Variants in OPCML observed in about 807,000 individuals in gnomAD.
OPCML encodes the protein opioid binding protein/cell adhesion molecule like.
In OPCML, 13 loss-of-function variants were observed where a neutral mutation model predicts 37.8. The ratio of observed to expected loss-of-function variants is 0.34; its 90% confidence interval spans 0.22 to 0.55. The LOEUF (loss-of-function observed/expected upper bound fraction) is 0.55, where lower values mean the gene tolerates loss of function less well. Ranked by LOEUF, OPCML falls within the 20% of genes least tolerant of loss-of-function variation. OPCML has a pLI of 0.91. For synonymous variants in OPCML, 176 were observed against 168.8 expected (o/e 1.04, Z -0.33); for missense variants, 341 against 435.6 (o/e 0.78, Z 1.93).
intron 4 of OPCML, among the ~76,000 whole-genome samples, chr11:132,495,302 C>T (rs1334602726): frequency 2.0e-5 from 3 of 152,142 alleles, no homozygotes; most frequent in African/African-American, 7.2e-5. Flanking sequence ...CAACTACAAT[C>T]TCAGAATATT....
intron 1 of OPCML, among the ~76,000 whole-genome samples, chr11:133,015,411 G>GGAAT (rs1430240036): frequency 1.8e-5 from 2 of 112,100 alleles, no homozygotes; most frequent in African/African-American, 6.9e-5. Flanking sequence ...AAGGAAGGAA[G>GGAAT]GAAGGAAGGA....
intron 1 of OPCML, among the ~76,000 whole-genome samples, chr11:133,289,550 C>A (rs551269684): frequency 8.8e-5 from 13 of 147,516 alleles, no homozygotes; most frequent in African/African-American, 2.8e-4. Context: ...AGCCGAGATC[C>A]CGCCACTGCA....
At chr11:132,476,178 T>C (rs930176555) in intron 4 of OPCML, among the ~76,000 whole-genome samples, 1 of 152,218 alleles carries the variant, frequency 6.6e-6, no homozygotes, top group Admixed American at 6.5e-5. Context: ...TTAGAAATCA[T>C]ATAGCTTTTC....
At chr11:132,563,678 A>C (rs60396165) in intron 3 of OPCML, among the ~76,000 whole-genome samples, 2,200 of 152,192 alleles carry the variant, frequency 0.014, 57 homozygotes, top group African/African-American at 0.05. Context: ...GACTGAAGAA[A>C]TTTCCTTTCA....
chr11:133,059,586 A>C (rs1458250708), intron 1 of OPCML, among the ~76,000 whole-genome samples: 2 of 152,244 alleles, frequency 1.3e-5, no homozygotes, highest in African/African-American at 2.4e-5. Context: ...TTAAACAAAG[A>C]AACACTTGAT....
At chr11:133,079,251 G>A (rs1389228842) in intron 1 of OPCML, among the ~76,000 whole-genome samples, 2 of 152,150 alleles carry the variant, frequency 1.3e-5, no homozygotes, top group Admixed American at 1.3e-4. Flanking sequence ...CTGAACAGAA[G>A]GCAAGAATGG....
At chr11:133,153,066 C>T (rs12797338) in intron 1 of OPCML, among the ~76,000 whole-genome samples, 1 of 152,024 alleles carries the variant, frequency 6.6e-6, no homozygotes, top group Non-Finnish European at 1.5e-5. Context: ...AGGGGCACCG[C>T]GAGGGTCTTG....
rs549145874 is a variant in OPCML, at chr11:132,888,447, G to C, written c.146+54479C>G. Among the ~76,000 whole-genome samples, 10 of 152,274 alleles carry C rather than the reference G, an allele frequency of 6.6e-5. No homozygotes were observed. The South Asian group carries it at 1.9e-3, about 28-fold the overall frequency. On this transcript the variant is annotated intron_variant, in intron 2 of 7. Coordinates refer to ENST00000524381, the MANE Select transcript of OPCML (RefSeq NM_001012393.5). ...CTCGGTGAGGGATGCTCATGGAGAA[G>C]GAACGTGAAGGAGCCTGTGCCTGCC...
At chr11:132,769,085 G>T (rs1472043959) in intron 2 of OPCML, among the ~76,000 whole-genome samples, 2 of 150,432 alleles carry the variant, frequency 1.3e-5, no homozygotes, top group African/African-American at 4.9e-5. Flanking sequence ...CTGCTGAGGG[G>T]GTTTGAGGTC....
At chr11:132,872,268 C>T (rs1236677135) in intron 2 of OPCML, among the ~76,000 whole-genome samples, 1 of 152,176 alleles carries the variant, frequency 6.6e-6, no homozygotes, top group African/African-American at 2.4e-5. Context: ...GTATTTAAGG[C>T]TTTGTTTTTT....
intron 2 of OPCML, among the ~76,000 whole-genome samples, chr11:132,934,582 A>G (rs549285641): frequency 6.6e-6 from 1 of 151,946 alleles, no homozygotes; most frequent in African/African-American, 2.4e-5. Flanking sequence ...TCTTTTCTCT[A>G]CCTCTGACTA....
At chr11:132,693,003 G>GA (rs1943463645) in intron 2 of OPCML, among the ~76,000 whole-genome samples, 2 of 152,208 alleles carry the variant, frequency 1.3e-5, no homozygotes, top group African/African-American at 4.8e-5. Flanking sequence ...TTTGACTTGA[G>GA]ATAGAAAATG....
At chr11:132,530,843 A>G (rs2096323136) in intron 3 of OPCML, among the ~76,000 whole-genome samples, 1 of 152,022 alleles carries the variant, frequency 6.6e-6, no homozygotes, top group Non-Finnish European at 1.5e-5. Flanking sequence ...AAGCATCAGC[A>G]CTCCTATAAC....
intron 3 of OPCML, among the ~76,000 whole-genome samples, chr11:132,561,465 A>G (rs542029988): frequency 3.3e-5 from 5 of 152,188 alleles, no homozygotes; most frequent in Admixed American, 6.5e-5. Context: ...CCCTGACACC[A>G]TGTTTGTCTG....
intron 3 of OPCML, among the ~76,000 whole-genome samples, chr11:132,537,737 T>G (rs981016835): frequency 1.3e-5 from 2 of 152,156 alleles, no homozygotes; most frequent in African/African-American, 4.8e-5. Flanking sequence ...AATAATCCAA[T>G]TTAAAAATGA....
chr11:132,956,208 T>C (rs1945975249), intron 1 of OPCML, among the ~76,000 whole-genome samples: 1 of 152,158 alleles, frequency 6.6e-6, no homozygotes, highest in African/African-American at 2.4e-5. Flanking sequence ...ACACTACTGA[T>C]GTTGGAACAC....
intron 1 of OPCML, among the ~76,000 whole-genome samples, chr11:133,431,670 G>A (rs1019674625): frequency 6.6e-6 from 1 of 151,530 alleles, no homozygotes; most frequent in African/African-American, 2.4e-5. Flanking sequence ...TCTCCATGTT[G>A]GTCAGGCTGG....
intron 1 of OPCML, among the ~76,000 whole-genome samples, chr11:133,303,858 C>T (rs1942845638): frequency 6.6e-6 from 1 of 152,136 alleles, no homozygotes; most frequent in South Asian, 2.1e-4. Flanking sequence ...AAATGATGCA[C>T]ACACACAGCA....
chr11:132,722,301 C>G (rs1944702770), intron 2 of OPCML, among the ~76,000 whole-genome samples: 1 of 151,776 alleles, frequency 6.6e-6, no homozygotes, highest in Non-Finnish European at 1.5e-5. Flanking sequence ...TAAACTCACA[C>G]CACATCCATT....
Sources: allele counts gnomAD v4.1 joint callset (sites outside exome capture counted in the v4.1 genomes callset), GRCh38; gene constraint gnomAD v4.1.1; transcripts MANE v1.5; gene names NCBI Gene and HGNC (gene_info 2026-07-23, HGNC 2026-07-21).